NRDC: variants seen among roughly 807,000 people sequenced by gnomAD.
NRDC encodes nardilysin.
A neutral mutation model predicts 147.1 loss-of-function variants in NRDC; 54 were observed. The ratio of observed to expected loss-of-function variants is 0.37; its 90% CI spans 0.29 to 0.46. The LOEUF is 0.46. Ranked by LOEUF, NRDC falls within the 20% of genes least tolerant of loss-of-function variation. The pLI is 1.00. For missense variants in NRDC, 1,082 were observed against 1,370.6 expected (o/e 0.79, Z 3.33); for synonymous variants, 440 against 482.1 (o/e 0.91, Z 1.14).
chr1:51,833,640 ACT>A (rs1215627778), intron 4 of NRDC, among the ~76,000 whole-genome samples: 2 of 151,274 alleles, frequency 1.3e-5, no homozygotes, highest in Non-Finnish European at 3.0e-5. Flanking sequence ...TCTCAAACAA[ACT>A]CTGTCACCCA....
At chr1:51,863,156 C>T (rs1008356208) in intron 1 of NRDC, among the ~76,000 whole-genome samples, 86 of 151,996 alleles carry the variant, frequency 5.7e-4, no homozygotes, top group African/African-American at 1.9e-3. Context: ...AATCCCAGCA[C>T]TTTGGGAGGC....
intron 1 of NRDC, among the ~76,000 whole-genome samples, chr1:51,848,342 G>A (rs565088065): frequency 5.9e-4 from 89 of 152,132 alleles, no homozygotes; most frequent in African/African-American, 1.7e-3. Context: ...TTAGACAGGC[G>A]TGGTGGCAGG....
At chr1:51,812,961 C>CAAAAAAAA (rs5774107) in intron 14 of NRDC, among the ~76,000 whole-genome samples, 8 of 71,800 alleles carry the variant, frequency 1.1e-4, no homozygotes, top group South Asian at 5.6e-4. Context: ...GACTCTGTCT[C>CAAAAAAAA]AAAAAAAAAA....
intron 24 of NRDC, among the ~76,000 whole-genome samples, chr1:51,794,236 C>G (rs1012955716): frequency 6.6e-6 from 1 of 152,134 alleles, no homozygotes; most frequent in African/African-American, 2.4e-5. Context: ...CCACCCACAC[C>G]TCGGTTTCTG....
chr1:51,841,548 C>G (rs1270239325), intron 1 of NRDC, among the ~76,000 whole-genome samples: 5 of 152,150 alleles, frequency 3.3e-5, no homozygotes, highest in African/African-American at 1.2e-4. Flanking sequence ...CTCAAGCAAT[C>G]CACCCATCTT....
At chr1:51,840,096 T>A in intron 2 of NRDC, 130 bp downstream of exon 2, 1 of 650,270 alleles carries the variant, frequency 1.5e-6, no homozygotes, top group Non-Finnish European at 2.6e-6. Flanking sequence ...GTAATCCTGA[T>A]ACAGAATAGA....
At chr1:51,792,231 A>G (rs1678689965) in intron 25 of NRDC, 133 bp from the exon 26 acceptor site, 3 of 1,357,454 alleles carry the variant, frequency 2.2e-6, no homozygotes, top group East Asian at 4.6e-5. Context: ...GCCCAGGCTT[A>G]TACTGGGTGA....
At chr1:51,834,231 A>G in intron 3 of NRDC, 61 bp from the exon 4 acceptor site, 1 of 1,552,744 alleles carries the variant, frequency 6.4e-7, no homozygotes, top group Non-Finnish European at 8.8e-7. Flanking sequence ...TTTATCACAC[A>G]TGAACTTTCT....
chr1:51,805,473 A>C (rs776243420), intron 19 of NRDC, 37 bp downstream of exon 19: 7 of 1,473,938 alleles, frequency 4.7e-6, no homozygotes, highest in African/African-American at 4.3e-5. Flanking sequence ...TCAATAACTA[A>C]AAAATGTATT....
chr1:51,809,370 A>T lies in NRDC; in HGVS notation c.1935T>A (p.Asn645Lys). The change falls in exon 17 of 31, where the codon AAT becomes AAA. Residue 645 changes from asparagine (N) to lysine (K), a missense_variant. Coordinates refer to ENST00000352171, the MANE Select transcript of NRDC (RefSeq NM_001101662.2). ...GATCTGGATTTAATTCGAAATTACTATTCCACAGTTCAGCCCAAGAGTTTT... is the reference window on the plus strand; with the variant it reads ...GATCTGGATTTAATTCGAAATTACTTTTCCACAGTTCAGCCCAAGAGTTTT... ...DIENSWAELW[N>K]SNFELNPDLH... The T allele has an allele frequency of 6.2e-7, 1 of 1,613,748 alleles. No homozygotes were observed. Among genetic ancestry groups the T allele is most frequent in the Non-Finnish European group, 8.5e-7 (1 of 1,179,680 alleles).
At chr1:51,791,881 G>A (rs1216678440) in intron 26 of NRDC, among the ~76,000 whole-genome samples, 165 bp downstream of exon 26, 1 of 152,142 alleles carries the variant, frequency 6.6e-6, no homozygotes, top group Non-Finnish European at 1.5e-5. Flanking sequence ...CTGAAAACCT[G>A]ATTACAGTCA....
Position 51,803,773 on chromosome 1 carries a change from T to G in NRDC, c.2313+41A>C, listed in dbSNP as rs747187219. 5.9e-6 allele frequency: 9 copies of G among 1,532,494 alleles called. No individual in the cohort carries two copies. In the African/African-American group the frequency reaches 1.2e-4, roughly 21 times the overall value. The allele number at this position is 1,532,494 out of a possible 1,614,324, so 94.9% of individuals were successfully genotyped here. A position where few individuals can be genotyped will look rare whatever the true frequency, so the allele number is the denominator to read the frequency against. ...ACAAACCTCTAAATAAATATGGTAT[T>G]TTAATGCTCTCTATAAGGAAAACAG... On this transcript the variant is annotated intron_variant, in intron 20 of 30. Coordinates refer to ENST00000352171, the MANE Select transcript of NRDC (RefSeq NM_001101662.2).
chr1:51,790,402 G>C (rs1181414110), intron 29 of NRDC, 131 bp downstream of exon 29: 18 of 696,012 alleles, frequency 2.6e-5, no homozygotes, highest in Non-Finnish European at 4.6e-5. Context: ...CAGGAAGTGA[G>C]CGAGTAATCA....
chr1:51,819,313 G>C (rs1488575424), intron 9 of NRDC, among the ~76,000 whole-genome samples: 2 of 149,778 alleles, frequency 1.3e-5, no homozygotes, highest in Non-Finnish European at 3.0e-5. Context: ...AAAAAAAAAA[G>C]AAATCCGATA....
chr1:51,827,680 T>C, intron 5 of NRDC, 116 bp downstream of exon 5: 1 of 735,088 alleles, frequency 1.4e-6, no homozygotes, highest in Non-Finnish European at 2.3e-6. Flanking sequence ...CATATTTCAA[T>C]TTAGTCCTTT....
chr1:51,821,490 T>G lies in NRDC; in HGVS notation c.1217+8A>C, dbSNP rs1483154312. On this transcript the variant is annotated splice_region_variant and intron_variant, in intron 8 of 30. Transcript: ENST00000352171. The stretch of plus-strand genomic sequence containing the variant: ...AAGGTGTATGATGTATGAAAATAAA[T>G]ATCTTACTTGTTTGGTATCTGAGAG... 1.3e-6 allele frequency: 2 copies of G among 1,569,416 alleles called. No individual in the cohort carries two copies. The highest frequency in any genetic ancestry group is 1.8e-6 in the Non-Finnish European group (2 of 1,139,710).
chr1:51,863,652 T>G (rs1682661599), intron 1 of NRDC, among the ~76,000 whole-genome samples: 1 of 152,200 alleles, frequency 6.6e-6, no homozygotes, highest in South Asian at 2.1e-4. Context: ...ACAAAGAAAC[T>G]TCCATATTTC....
intron 3 of NRDC, among the ~76,000 whole-genome samples, chr1:51,835,627 C>A (rs1317811696): frequency 6.6e-6 from 1 of 151,590 alleles, no homozygotes; most frequent in Non-Finnish European, 1.5e-5. Flanking sequence ...CCACCACGCC[C>A]AACTAATTTT....
chr1:51,877,259 T>G, intron 1 of NRDC, among the ~76,000 whole-genome samples: 1 of 152,160 alleles, frequency 6.6e-6, no homozygotes, highest in East Asian at 1.9e-4. Context: ...ATACCAGCTC[T>G]GTTATTATTT....
Sources: gnomAD v4.1 joint callset for allele counts (sites outside exome capture counted in the v4.1 genomes callset) on GRCh38, gnomAD v4.1.1 for gene constraint, MANE v1.5 for transcripts, NCBI Gene and HGNC (gene_info 2026-07-23, HGNC 2026-07-21) for gene names.